The following MARCHF11 variants were observed in gnomAD, a reference collection of about 807,000 sequenced individuals.
MARCHF11 encodes the protein membrane associated ring-CH-type finger 11.
MARCHF11 carries 29 observed loss-of-function variants against 37.3 expected under a neutral mutation model. The ratio of observed to expected loss-of-function variants is 0.78; its 90% CI spans 0.58 to 1.06. The LOEUF is 1.06. Ranked by LOEUF, MARCHF11 falls within the 50% of genes least tolerant of loss-of-function variation. MARCHF11 has a pLI of 0.00. For synonymous variants in MARCHF11, 233 were observed against 228.0 expected (o/e 1.02, Z -0.20); for missense variants, 482 against 533.4 (o/e 0.90, Z 0.95).
intron 2 of MARCHF11, among the ~76,000 whole-genome samples, chr5:16,101,997 C>A (rs2126564063): frequency 6.6e-6 from 1 of 152,304 alleles, no homozygotes; most frequent in East Asian, 1.9e-4. Context: ...TTGGGACAAG[C>A]AGAGAGCTGT....
At chr5:16,096,268 T>G (rs1736866865) in intron 2 of MARCHF11, among the ~76,000 whole-genome samples, 1 of 152,226 alleles carries the variant, frequency 6.6e-6, no homozygotes, top group Non-Finnish European at 1.5e-5. Flanking sequence ...CTCATACCTT[T>G]CTAAATGGCA....
chr5:16,086,158 T>C (rs1484658009), intron 3 of MARCHF11, among the ~76,000 whole-genome samples: 1 of 152,112 alleles, frequency 6.6e-6, no homozygotes, highest in Non-Finnish European at 1.5e-5. Flanking sequence ...GAAAGATCTC[T>C]AGATTATATC....
chr5:16,069,728 T>G (rs1736403269), intron 3 of MARCHF11, among the ~76,000 whole-genome samples: 1 of 152,130 alleles, frequency 6.6e-6, no homozygotes. Flanking sequence ...GCTGGAGGAA[T>G]GCGTGATTGA....
At chr5:16,138,237 A>C (rs963418915) in intron 2 of MARCHF11, among the ~76,000 whole-genome samples, 1 of 152,186 alleles carries the variant, frequency 6.6e-6, no homozygotes, top group African/African-American at 2.4e-5. Context: ...AGGGCCCCCT[A>C]CTGTGTGCAG....
intron 2 of MARCHF11, among the ~76,000 whole-genome samples, chr5:16,129,627 G>A (rs1737479590): frequency 6.6e-6 from 1 of 152,048 alleles, no homozygotes; most frequent in Admixed American, 6.5e-5. Context: ...CAACTTGTTG[G>A]CTCAGCGATA....
intron 2 of MARCHF11, among the ~76,000 whole-genome samples, chr5:16,126,602 T>C (rs1328343865): frequency 5.3e-5 from 8 of 152,202 alleles, no homozygotes; most frequent in Non-Finnish European, 1.0e-4. Flanking sequence ...GGAAAAACTA[T>C]GAGTATATGG....
intron 2 of MARCHF11, among the ~76,000 whole-genome samples, chr5:16,096,226 C>A (rs535199882): frequency 6.6e-6 from 1 of 152,208 alleles, no homozygotes; most frequent in Non-Finnish European, 1.5e-5. Context: ...TCAACACCTG[C>A]AAAAGCAGTC....
intron 3 of MARCHF11, among the ~76,000 whole-genome samples, chr5:16,085,507 T>C (rs989295025): frequency 6.8e-6 from 1 of 146,054 alleles, no homozygotes; most frequent in Non-Finnish European, 1.5e-5. Context: ...TTAAATCCAC[T>C]GATTAAAATG....
At chr5:16,069,527 T>G (rs1470471290) in intron 3 of MARCHF11, among the ~76,000 whole-genome samples, 1 of 152,130 alleles carries the variant, frequency 6.6e-6, no homozygotes, top group Non-Finnish European at 1.5e-5. Flanking sequence ...AACAGAGAAT[T>G]TATTAGAAAA....
intron 2 of MARCHF11, among the ~76,000 whole-genome samples, chr5:16,135,499 G>C (rs369376058): frequency 2.6e-5 from 4 of 152,284 alleles, no homozygotes; most frequent in African/African-American, 9.6e-5. Flanking sequence ...AGTCTCTTCT[G>C]AATACTGCCT....
At chr5:16,134,779 G>A (rs1367790276) in intron 2 of MARCHF11, among the ~76,000 whole-genome samples, 1 of 152,090 alleles carries the variant, frequency 6.6e-6, no homozygotes, top group Non-Finnish European at 1.5e-5. Flanking sequence ...AAGTTATGCA[G>A]CCATTACAAA....
intron 2 of MARCHF11, among the ~76,000 whole-genome samples, chr5:16,091,912 G>A (rs13186611): frequency 0.3 from 45,114 of 152,040 alleles, 7,930 homozygotes; most frequent in East Asian, 0.57. Flanking sequence ...AAGCAGAAAC[G>A]AAACAAGAAT....
chr5:16,080,930 G>A (rs552003853), intron 3 of MARCHF11, among the ~76,000 whole-genome samples: 4 of 152,134 alleles, frequency 2.6e-5, no homozygotes, highest in South Asian at 4.2e-4. Context: ...TCTCCCTCCC[G>A]AGCTCCACCC....
chr5:16,142,280 A>T (rs1051945251), intron 2 of MARCHF11, among the ~76,000 whole-genome samples: 3 of 152,192 alleles, frequency 2.0e-5, no homozygotes, highest in African/African-American at 7.2e-5. Context: ...AGAACTCACA[A>T]TCATGATACG....
chr5:16,085,591 C>CG lies in MARCHF11; in HGVS notation c.886+5297dup, dbSNP rs5866169. On this transcript the variant is annotated intron_variant, in intron 3 of 3. Transcript: ENST00000332432. ...CCTCATATGTATCGGTGGGTGGGGT[C>CG]GGGGGGGGGATAAACTGATAAAGCC... 8.7e-3 allele frequency among the ~76,000 whole-genome samples: 712 copies of CG among 82,232 alleles called. 1 individual carries two copies. The highest frequency in any genetic ancestry group is 0.013 in the Non-Finnish European group (476 of 37,834). 53.9% of individuals were successfully genotyped at this position (82,232 alleles called of 152,430 possible). A position where few individuals can be genotyped will look rare whatever the true frequency, so the allele number is the denominator to read the frequency against.
At chr5:16,106,417 C>CT (rs1188974896) in intron 2 of MARCHF11, among the ~76,000 whole-genome samples, 2 of 152,230 alleles carry the variant, frequency 1.3e-5, no homozygotes, top group African/African-American at 4.8e-5. Context: ...ATCTGCTTCC[C>CT]TGACCATACT....
intron 2 of MARCHF11, among the ~76,000 whole-genome samples, chr5:16,156,666 A>G (rs1579417213): frequency 6.6e-6 from 1 of 151,870 alleles, no homozygotes; most frequent in East Asian, 1.9e-4. Flanking sequence ...TTAATTGCTT[A>G]ATGATGAGGA....
chr5:16,161,782 T>G (rs974148165), intron 2 of MARCHF11, among the ~76,000 whole-genome samples: 1 of 152,000 alleles, frequency 6.6e-6, no homozygotes, highest in African/African-American at 2.4e-5. Flanking sequence ...GGCCAAGTCA[T>G]GTACAAGCCA....
chr5:16,091,754 T>C (rs1389229683), intron 2 of MARCHF11, among the ~76,000 whole-genome samples: 3 of 152,228 alleles, frequency 2.0e-5, no homozygotes, highest in African/African-American at 7.2e-5. Context: ...ACAACCATTT[T>C]CAGCATGTAC....
Sources: allele counts gnomAD v4.1 joint callset (sites outside exome capture counted in the v4.1 genomes callset), GRCh38; gene constraint gnomAD v4.1.1; transcripts MANE v1.5; gene names NCBI Gene and HGNC (gene_info 2026-07-23, HGNC 2026-07-21).